The following ZNF407 variants were observed in gnomAD, a reference collection of about 807,000 sequenced individuals.
ZNF407 encodes zinc finger protein 407.
ZNF407 carries 17 observed loss-of-function variants against 131.2 expected under a neutral mutation model. The ratio of observed to expected loss-of-function variants is 0.13; its 90% CI spans 0.09 to 0.19. The LOEUF is 0.19. Among genes scored for constraint, ZNF407 ranks in the 10% least tolerant of loss-of-function variants. ZNF407 has a pLI of 1.00. For missense variants in ZNF407, 2,681 were observed against 2,830.6 expected (o/e 0.95, Z 1.20); for synonymous variants, 1,156 against 1,062.0 (o/e 1.09, Z -1.72).
At chr18:74,961,699 A>G (rs1281539585) in intron 8 of ZNF407, among the ~76,000 whole-genome samples, 1 of 148,364 alleles carries the variant, frequency 6.7e-6, no homozygotes, top group East Asian at 1.9e-4. Context: ...CAGCCTGGCG[A>G]CAGAGACTGT....
intron 7 of ZNF407, among the ~76,000 whole-genome samples, chr18:74,898,594 T>G (rs1971483601): frequency 6.6e-6 from 1 of 152,242 alleles, no homozygotes; most frequent in South Asian, 2.1e-4. Flanking sequence ...TAATCTCTTA[T>G]TTTTAATTAT....
At chr18:74,711,547 G>T (rs1273544816) in intron 3 of ZNF407, among the ~76,000 whole-genome samples, 1 of 152,198 alleles carries the variant, frequency 6.6e-6, no homozygotes, top group Non-Finnish European at 1.5e-5. Flanking sequence ...CCAGAAAGGA[G>T]TGCAGTCTTA....
chr18:74,705,395 T>C (rs1431997254), intron 3 of ZNF407, among the ~76,000 whole-genome samples: 1 of 152,148 alleles, frequency 6.6e-6, no homozygotes, highest in Non-Finnish European at 1.5e-5. Context: ...CTTTGGAAAT[T>C]TGATGAAAAT....
chr18:74,732,355 G>A (rs1413273016), intron 3 of ZNF407, among the ~76,000 whole-genome samples: 2 of 152,124 alleles, frequency 1.3e-5, no homozygotes, highest in South Asian at 2.1e-4. Flanking sequence ...CCTGCCTTTG[G>A]ACTTGGTTCA....
At position 74,634,792 on chromosome 18, in the gene ZNF407, G is replaced by T; in HGVS notation, c.3773G>T (p.Arg1258Leu). Residue 1258 changes from arginine to leucine, a missense_variant, in exon 2 of 9, where the codon CGC becomes CTC. This residue lies in a region of ZNF407 where 1,789 missense variants were observed against 1,748.7 expected (regional missense o/e 1.02). Transcript: ENST00000299687. The stretch of plus-strand genomic sequence containing the variant: ...TGCCCTGTGACGCTCGATGGGGAGC[G>T]CTCGGCTGAAAGCCCTGTGCTCGTT... ...HLCPVTLDGE[R>L]SAESPVLVVT... The T allele has an allele frequency of 1.9e-6, 3 of 1,614,022 alleles. No homozygotes were observed. The highest frequency in any genetic ancestry group is 2.5e-6 in the Non-Finnish European group (3 of 1,179,904).
rs999983648 is a variant in ZNF407, at chr18:74,721,705, T to A, written c.4803-59723T>A. 1.6e-4 allele frequency among the ~76,000 whole-genome samples: 24 copies of A among 152,232 alleles called. 1 individual carries two copies. ...TGAGAATCTCTTCTTTTTCACTTAG[T>A]GTTTATTACCATTTAATGTAATACC... On this transcript the variant is annotated intron_variant, in intron 3 of 8. Coordinates refer to ENST00000299687, the MANE Select transcript of ZNF407 (RefSeq NM_017757.3).
intron 4 of ZNF407, among the ~76,000 whole-genome samples, chr18:74,785,552 AT>A (rs1969686731): frequency 6.6e-6 from 1 of 152,144 alleles, no homozygotes; most frequent in South Asian, 2.1e-4. Flanking sequence ...AGGACATGGC[AT>A]TGTATGGGTC....
chr18:74,835,081 C>T (rs1462975225), intron 4 of ZNF407, among the ~76,000 whole-genome samples: 1 of 152,162 alleles, frequency 6.6e-6, no homozygotes, highest in Non-Finnish European at 1.5e-5. Context: ...GGAAAGCTGT[C>T]ATTCCACATT....
At position 74,635,499 on chromosome 18, in the gene ZNF407, C is replaced by T; in HGVS notation, c.4480C>T (p.Pro1494Ser). ...CTTTAAATGTGTCAAGTGCACAGAGCCCTTTGATTCTGAACAGAATTTATT... is the reference window on the plus strand; with the variant it reads ...CTTTAAATGTGTCAAGTGCACAGAGTCCTTTGATTCTGAACAGAATTTATT... ...ATFKCVKCTE[P>S]FDSEQNLFLH... is the part of the protein sequence containing the mutation. Residue 1494 changes from proline (P) to serine (S), a missense_variant, in exon 2 of 9, where the codon CCC (proline) becomes TCC (serine). By Grantham distance (74) the Pro-to-Ser change is moderately conservative. Coordinates refer to ENST00000299687, the MANE Select transcript of ZNF407 (RefSeq NM_017757.3). This position sits in a 1 kb window ranked among gnomAD's most constrained non-coding sequence, Gnocchi z 4.7. 4 of 1,612,306 alleles carry T rather than the reference C, an allele frequency of 2.5e-6. No homozygotes were observed. Among genetic ancestry groups the T allele is most frequent in the Non-Finnish European group, 3.4e-6 (4 of 1,179,034 alleles).
chr18:74,808,584 T>C (rs1376304078), intron 4 of ZNF407, among the ~76,000 whole-genome samples: 1 of 152,218 alleles, frequency 6.6e-6, no homozygotes, highest in Admixed American at 6.5e-5. Context: ...ATGGTAAATG[T>C]AAATGTTACT....
chr18:74,890,140 G>GCC, intron 7 of ZNF407, 102 bp downstream of exon 7: 1 of 1,279,192 alleles, frequency 7.8e-7, no homozygotes, highest in Non-Finnish European at 1.0e-6. Context: ...ATCACCATGA[G>GCC]TTCATATATT....
intron 4 of ZNF407, among the ~76,000 whole-genome samples, chr18:74,856,392 A>G (rs1970859495): frequency 6.6e-6 from 1 of 152,230 alleles, no homozygotes; most frequent in African/African-American, 2.4e-5. Context: ...CCTGTGAAAC[A>G]TTTATGACTA....
chr18:74,714,167 T>A (rs1423686046), intron 3 of ZNF407, among the ~76,000 whole-genome samples: 1 of 152,260 alleles, frequency 6.6e-6, no homozygotes, highest in East Asian at 1.9e-4. Flanking sequence ...TGCCTCTTTT[T>A]AATAATGTAG....
intron 4 of ZNF407, among the ~76,000 whole-genome samples, chr18:74,873,869 A>G (rs922744302): frequency 2.8e-4 from 42 of 152,324 alleles, no homozygotes; most frequent in African/African-American, 9.6e-4. Context: ...ACGCCTGCTG[A>G]GAGGACACTA....
intron 1 of ZNF407, among the ~76,000 whole-genome samples, chr18:74,615,377 C>G (rs371154127): frequency 6.6e-6 from 1 of 152,234 alleles, no homozygotes; most frequent in East Asian, 1.9e-4. Context: ...TGGTGGCGCA[C>G]GCCTGTAGTC....
chr18:74,900,087 T>C (rs1375510523), intron 7 of ZNF407, among the ~76,000 whole-genome samples: 1 of 152,228 alleles, frequency 6.6e-6, no homozygotes, highest in Admixed American at 6.5e-5. Flanking sequence ...AATGTTTAAA[T>C]GTCCATTGAA....
At position 74,632,432 on chromosome 18, in the gene ZNF407, C is replaced by T. The variant is rs571187581; in HGVS notation, c.1413C>T (p.His471=). Residue 471 remains histidine, a synonymous_variant, in exon 2 of 9, where the codon CAC becomes CAT. Transcript: ENST00000299687. ...ACTTGAGAACACAGATGAAAACACA[C>T]GATGCAGAATCAGTGCTGAAACACC... is the stretch of plus-strand genomic sequence containing the variant. ...MKHLRTQMKT[H]DAESVLKHLE... 4.3e-5 allele frequency: 70 copies of T among 1,613,876 alleles called. No individual in the cohort carries two copies. Among genetic ancestry groups the T allele is most frequent in the Non-Finnish European group, 5.3e-5 (62 of 1,179,902 alleles).
At chr18:74,942,939 G>A (rs1972116410) in intron 8 of ZNF407, among the ~76,000 whole-genome samples, 1 of 150,342 alleles carries the variant, frequency 6.7e-6, no homozygotes, top group Non-Finnish European at 1.5e-5. Flanking sequence ...TGTTTGAGAT[G>A]GGAGTCTCAC....
At chr18:74,738,924 A>C (rs1968483901) in intron 3 of ZNF407, among the ~76,000 whole-genome samples, 1 of 152,190 alleles carries the variant, frequency 6.6e-6, no homozygotes. Context: ...TTCTGAAGTA[A>C]AGAAAATATA....
Sources: allele counts gnomAD v4.1 joint callset (sites outside exome capture counted in the v4.1 genomes callset), GRCh38; gene constraint gnomAD v4.1.1; regional missense constraint gnomAD v4.1.1; non-coding constraint Gnocchi (gnomAD v3.1); transcripts MANE v1.5; gene names NCBI Gene and HGNC (gene_info 2026-07-23, HGNC 2026-07-21).